LRP1B: variants seen among roughly 807,000 people sequenced by gnomAD.
The protein encoded by LRP1B is LDL receptor related protein 1B.
Under a neutral mutation model 556.6 loss-of-function variants are expected in LRP1B, and 217 were observed. The ratio of observed to expected loss-of-function variants is 0.39; its 90% CI spans 0.35 to 0.44. LRP1B has a LOEUF of 0.44. Among genes scored for constraint, LRP1B ranks in the 20% least tolerant of loss-of-function variants. The pLI, the probability that LRP1B is intolerant of heterozygous loss-of-function variation, is 1.00. For missense variants in LRP1B, 5,053 were observed against 5,620.8 expected (o/e 0.90, Z 3.23); for synonymous variants, 2,047 against 1,865.8 (o/e 1.10, Z -2.50).
In LRP1B at chr2:140,503,073, C is replaced by G. The variant is rs1348671060; in HGVS notation, c.8552G>C (p.Ser2851Thr). 1.2e-6 allele frequency: 2 copies of G among 1,613,294 alleles called. No individual in the cohort carries two copies. The highest frequency in any genetic ancestry group is 8.5e-7 in the Non-Finnish European group (1 of 1,179,382). The change falls in exon 54 of 91, where the codon AGT becomes ACT. Residue 2851 changes from serine (S) to threonine (T), a missense_variant. Transcript: ENST00000389484. ...GYRQCGTEEF[S>T]CADGRCLLNT... ...TAGAAGACACCGCCCATCAGCACAA[C>G]TAAATTCTTCTGTACCACACTGTCG... is the stretch of plus-strand genomic sequence containing the variant.
intron 1 of LRP1B, among the ~76,000 whole-genome samples, chr2:142,073,802 T>C (rs1705405183): frequency 6.6e-6 from 1 of 151,912 alleles, no homozygotes; most frequent in Non-Finnish European, 1.5e-5. Flanking sequence ...GATCTGGTTG[T>C]TTAAGAGTGT....
intron 57 of LRP1B, among the ~76,000 whole-genome samples, chr2:140,490,174 G>A (rs1558918366): frequency 1.3e-5 from 2 of 152,028 alleles, no homozygotes; most frequent in South Asian, 2.1e-4. Flanking sequence ...TCTTTGGTTC[G>A]AGATGATTAA....
At chr2:140,684,923 C>G (rs568311403) in intron 41 of LRP1B, among the ~76,000 whole-genome samples, 1 of 152,260 alleles carries the variant, frequency 6.6e-6, no homozygotes, top group African/African-American at 2.4e-5. Context: ...GATTACATCC[C>G]TTTCTATTGT....
chr2:141,087,958 G>C (rs3856358), intron 7 of LRP1B, among the ~76,000 whole-genome samples: 130,183 of 152,126 alleles, frequency 0.86, 56,006 homozygotes, highest in Non-Finnish European at 0.9. Flanking sequence ...GAAATTAAGT[G>C]ATTTGTCCAA....
intron 41 of LRP1B, among the ~76,000 whole-genome samples, chr2:140,692,467 A>G (rs1686279684): frequency 6.6e-6 from 1 of 152,126 alleles, no homozygotes; most frequent in Non-Finnish European, 1.5e-5. Flanking sequence ...CAAAATTGTA[A>G]TTTTCATCAA....
intron 1 of LRP1B, among the ~76,000 whole-genome samples, chr2:142,125,380 G>A (rs1707605160): frequency 6.6e-6 from 1 of 151,738 alleles, no homozygotes; most frequent in East Asian, 1.9e-4. Flanking sequence ...AGAGAGGACT[G>A]AAGAGCCAGA....
intron 2 of LRP1B, among the ~76,000 whole-genome samples, chr2:141,761,543 G>C (rs980401940): frequency 1.3e-5 from 2 of 151,908 alleles, no homozygotes; most frequent in Non-Finnish European, 2.9e-5. Context: ...ATGATACAAA[G>C]GAAAAGCTTG....
chr2:140,985,325 C>A (rs1696887317), intron 17 of LRP1B, among the ~76,000 whole-genome samples: 1 of 150,572 alleles, frequency 6.6e-6, no homozygotes, highest in Non-Finnish European at 1.5e-5. Context: ...AAAGAAAAGT[C>A]TAATTTTTAA....
chr2:141,259,771 C>T lies in LRP1B; in HGVS notation c.344-5130G>A, dbSNP rs140588102. Reference sequence around the variant, plus strand: ...CTAAAGCTCTCATTACATGCTTTGCCTCATCTCTAAAATGGGGATAATAAT... The same window carrying T: ...CTAAAGCTCTCATTACATGCTTTGCTTCATCTCTAAAATGGGGATAATAAT... On this transcript the variant is annotated intron_variant, in intron 3 of 90. Transcript: ENST00000389484. Among the ~76,000 whole-genome samples the T allele has an allele frequency of 1.6e-3, 244 of 152,280 alleles. 2 individuals are homozygous for T. Among genetic ancestry groups the T allele is most frequent in the Middle Eastern group, 6.8e-3 (2 of 294 alleles).
chr2:140,536,544 T>A (rs1243013387), intron 46 of LRP1B, 37 bp downstream of exon 46: 1 of 1,574,244 alleles, frequency 6.4e-7, no homozygotes, highest in African/African-American at 1.4e-5. Context: ...ATCAGAAAAC[T>A]TTATCTGAAA....
intron 3 of LRP1B, among the ~76,000 whole-genome samples, chr2:141,407,365 C>A (rs1264597535): frequency 6.6e-6 from 1 of 151,926 alleles, no homozygotes; most frequent in Non-Finnish European, 1.5e-5. Flanking sequence ...GCAAAAAAAA[C>A]ATAAAAAGGC....
At chr2:140,924,323 G>A (rs1694825271) in intron 20 of LRP1B, among the ~76,000 whole-genome samples, 1 of 151,928 alleles carries the variant, frequency 6.6e-6, no homozygotes, top group Non-Finnish European at 1.5e-5. Flanking sequence ...GGGTTGATGT[G>A]AGAATTAAAT....
At chr2:141,777,761 AG>A (rs1558869240) in intron 2 of LRP1B, among the ~76,000 whole-genome samples, 1 of 152,184 alleles carries the variant, frequency 6.6e-6, no homozygotes, top group Non-Finnish European at 1.5e-5. Flanking sequence ...AAGGGCAATT[AG>A]AACCTTCCAT....
intron 3 of LRP1B, among the ~76,000 whole-genome samples, chr2:141,395,011 A>C (rs569439624): frequency 3.3e-5 from 5 of 152,254 alleles, no homozygotes; most frequent in African/African-American, 1.2e-4. Flanking sequence ...ATGAGATTTT[A>C]GTCAATGATG....
intron 3 of LRP1B, among the ~76,000 whole-genome samples, chr2:141,270,888 G>A (rs1251067239): frequency 1.3e-5 from 2 of 150,682 alleles, no homozygotes; most frequent in East Asian, 1.9e-4. Flanking sequence ...CAGTATAAAT[G>A]TACTTAATAC....
rs560363480 is a variant in LRP1B at position 142,031,330 on chromosome 2, A to ATTTTTTTTTTTTTTT, written c.82+99303_82+99317dup. Among the ~76,000 whole-genome samples the ATTTTTTTTTTTTTTT allele has an allele frequency of 1.0e-3, 120 of 116,992 alleles. 2 individuals are homozygous for ATTTTTTTTTTTTTTT. The highest frequency in any genetic ancestry group is 2.8e-3 in the African/African-American group (96 of 33,908). 76.8% of individuals were successfully genotyped at this position (116,992 alleles called of 152,430 possible). A position where few individuals can be genotyped will look rare whatever the true frequency, so the allele number is the denominator to read the frequency against. On this transcript the variant is annotated intron_variant, in intron 1 of 90. Transcript: ENST00000389484. ...ATTTAGAGAAAGGTTGATTATACTTATTTTTTTTTTTTTTTTTTATTATAC... is the reference window on the plus strand; with the variant it reads ...ATTTAGAGAAAGGTTGATTATACTTATTTTTTTTTTTTTTTTTTTTTTTTTTTTTTTTTATTATAC...
chr2:140,869,184 A>T (rs1202852675), intron 25 of LRP1B, among the ~76,000 whole-genome samples: 1 of 152,068 alleles, frequency 6.6e-6, no homozygotes, highest in African/African-American at 2.4e-5. Flanking sequence ...AAGGCTACCC[A>T]CTTTCAAATC....
At chr2:140,822,789 T>C (rs1691371475) in intron 31 of LRP1B, among the ~76,000 whole-genome samples, 1 of 152,212 alleles carries the variant, frequency 6.6e-6, no homozygotes, top group Admixed American at 6.5e-5. Context: ...AATCAGCCTC[T>C]CTGGGCACAG....
intron 1 of LRP1B, among the ~76,000 whole-genome samples, chr2:142,010,653 C>A (rs888803111): frequency 6.6e-6 from 1 of 151,908 alleles, no homozygotes; most frequent in African/African-American, 2.4e-5. Context: ...TGTCTCCCAG[C>A]CACCCACAGT....
Sources: gnomAD v4.1 joint callset for allele counts (sites outside exome capture counted in the v4.1 genomes callset) on GRCh38, gnomAD v4.1.1 for gene constraint, MANE v1.5 for transcripts, NCBI Gene and HGNC (gene_info 2026-07-23, HGNC 2026-07-21) for gene names.